EXOC4: variants seen among roughly 807,000 people sequenced by gnomAD.
EXOC4 encodes the protein exocyst complex component 4.
In EXOC4, 71 loss-of-function variants were observed where a neutral mutation model predicts 107.2. The ratio of observed to expected loss-of-function variants is 0.66; its 90% CI spans 0.55 to 0.81. The LOEUF (loss-of-function observed/expected upper bound fraction) is 0.81. Among genes scored for constraint, EXOC4 ranks in the 30% least tolerant of loss-of-function variants. The pLI is 0.00. For synonymous variants in EXOC4, 456 were observed against 441.2 expected (o/e 1.03, Z -0.42); for missense variants, 1,108 against 1,189.6 (o/e 0.93, Z 1.01).
At chr7:133,453,108 A>T (rs555293030) in intron 7 of EXOC4, among the ~76,000 whole-genome samples, 1 of 152,366 alleles carries the variant, frequency 6.6e-6, no homozygotes, top group Admixed American at 6.5e-5. Context: ...TCACTAAGAA[A>T]AATCTGTAGA....
chr7:133,454,719 T>C (rs1473401711), intron 7 of EXOC4, among the ~76,000 whole-genome samples: 1 of 152,138 alleles, frequency 6.6e-6, no homozygotes, highest in Non-Finnish European at 1.5e-5. Flanking sequence ...ATTACAGTAG[T>C]CCTCCCTTAT....
chr7:134,008,234 CTT>C (rs1233258629), intron 17 of EXOC4, among the ~76,000 whole-genome samples: 1 of 152,116 alleles, frequency 6.6e-6, no homozygotes, highest in Non-Finnish European at 1.5e-5. Flanking sequence ...GTTTATGTGA[CTT>C]TTCACACATA....
intron 15 of EXOC4, among the ~76,000 whole-genome samples, chr7:134,004,300 A>G (rs1183777770): frequency 2.6e-5 from 4 of 152,170 alleles, no homozygotes; most frequent in Non-Finnish European, 2.9e-5. Context: ...TGTGCCAGAC[A>G]CTGCTATACT....
chr7:133,297,098 G>A (rs1038407555), intron 3 of EXOC4, among the ~76,000 whole-genome samples: 9 of 152,176 alleles, frequency 5.9e-5, no homozygotes, highest in Non-Finnish European at 1.2e-4. Context: ...ATCACATGGT[G>A]ATACTCACAT....
At chr7:134,028,751 G>A (rs539615131) in intron 17 of EXOC4, among the ~76,000 whole-genome samples, 1 of 152,336 alleles carries the variant, frequency 6.6e-6, no homozygotes, top group South Asian at 2.1e-4. Context: ...GGGTCATCAT[G>A]TGCCCTTAAA....
At chr7:133,353,177 G>C (rs1485519945) in intron 5 of EXOC4, among the ~76,000 whole-genome samples, 1 of 151,962 alleles carries the variant, frequency 6.6e-6, no homozygotes, top group Non-Finnish European at 1.5e-5. Flanking sequence ...TTGTCTTGTT[G>C]TAACACTACT....
In EXOC4 at chr7:133,864,605, G is replaced by A. The variant is rs575302582; in HGVS notation, c.1735-30994G>A. On this transcript the variant is annotated intron_variant, in intron 11 of 17. Transcript: ENST00000253861. ...CAAATCCTTTCCTTCTGACTTTTAC[G>A]ACATTTACATTCAAATTAGGGAAAG... 2.0e-5 allele frequency among the ~76,000 whole-genome samples: 3 copies of A among 152,218 alleles called. No individual in the cohort carries two copies. The South Asian group carries it at 6.2e-4, about 32-fold the overall frequency.
At chr7:133,818,672 C>T (rs565481753) in intron 11 of EXOC4, among the ~76,000 whole-genome samples, 14 of 152,240 alleles carry the variant, frequency 9.2e-5, no homozygotes, top group Non-Finnish European at 1.9e-4. Flanking sequence ...AAGGAACGTG[C>T]TTGCTCTTCC....
chr7:133,293,325 A>T (rs971725161), intron 3 of EXOC4, among the ~76,000 whole-genome samples: 5 of 152,190 alleles, frequency 3.3e-5, no homozygotes, highest in Admixed American at 2.0e-4. Context: ...ATGAAAAACA[A>T]TCACATTTTC....
At chr7:133,855,332 G>C (rs759713529) in intron 11 of EXOC4, among the ~76,000 whole-genome samples, 2 of 150,848 alleles carry the variant, frequency 1.3e-5, no homozygotes, top group African/African-American at 2.4e-5. Flanking sequence ...TTCCACAGCA[G>C]ATTTCAACTG....
intron 12 of EXOC4, 126 bp from the exon 13 acceptor site, chr7:133,917,457 A>G (rs1403133016): frequency 3.4e-6 from 3 of 876,044 alleles, no homozygotes; most frequent in Middle Eastern, 2.3e-4. Flanking sequence ...TCCAACTTAG[A>G]TAATGGATTA....
chr7:133,548,671 G>C (rs1800529823), intron 9 of EXOC4, among the ~76,000 whole-genome samples: 1 of 152,184 alleles, frequency 6.6e-6, no homozygotes, highest in African/African-American at 2.4e-5. Context: ...GCCTCTGTTA[G>C]CTTCAAGCTT....
intron 10 of EXOC4, among the ~76,000 whole-genome samples, chr7:133,712,491 G>A (rs1794915464): frequency 6.9e-6 from 1 of 144,368 alleles, no homozygotes. Context: ...CTCCTACACT[G>A]CTGGTAGGAA....
At chr7:133,703,505 C>T (rs542510379) in intron 10 of EXOC4, among the ~76,000 whole-genome samples, 2 of 152,264 alleles carry the variant, frequency 1.3e-5, no homozygotes, top group South Asian at 2.1e-4. Flanking sequence ...TTTGTCATCC[C>T]GGCCAGCTTC....
chr7:133,549,153 A>G (rs1254699385), intron 9 of EXOC4, among the ~76,000 whole-genome samples: 2 of 152,076 alleles, frequency 1.3e-5, no homozygotes, highest in African/African-American at 4.8e-5. Context: ...ACAGGCATGC[A>G]TCACCAGTTT....
intron 10 of EXOC4, among the ~76,000 whole-genome samples, chr7:133,718,066 C>G (rs901966420): frequency 2.2e-4 from 33 of 152,162 alleles, no homozygotes; most frequent in African/African-American, 8.0e-4. Context: ...ATCTAAGTCT[C>G]CATTCATCAT....
intron 7 of EXOC4, among the ~76,000 whole-genome samples, chr7:133,449,827 C>T (rs1798301091): frequency 3.3e-5 from 5 of 151,738 alleles, no homozygotes; most frequent in African/African-American, 9.7e-5. Context: ...TATCATCTCT[C>T]CTCCAGCTTT....
At chr7:133,616,933 T>A (rs993149586) in intron 9 of EXOC4, among the ~76,000 whole-genome samples, 2 of 152,164 alleles carry the variant, frequency 1.3e-5, no homozygotes, top group African/African-American at 4.8e-5. Flanking sequence ...TCAAAATTCA[T>A]AGATTGGAGG....
chr7:133,445,617 TACAAACAA>T (rs10638999), intron 7 of EXOC4, among the ~76,000 whole-genome samples: 95 of 150,584 alleles, frequency 6.3e-4, no homozygotes, highest in Middle Eastern at 3.4e-3. Context: ...GGACAGTTAC[TACAAACAA>T]ACAAACAAAC....
Sources: allele counts gnomAD v4.1 joint callset (sites outside exome capture counted in the v4.1 genomes callset), GRCh38; gene constraint gnomAD v4.1.1; transcripts MANE v1.5; gene names NCBI Gene and HGNC (gene_info 2026-07-23, HGNC 2026-07-21).